The following PRKCD variants were observed in gnomAD, a reference collection of about 807,000 sequenced individuals.
PRKCD encodes protein kinase C delta type.
PRKCD carries 20 observed loss-of-function variants against 82.2 expected under a neutral mutation model. The observed-to-expected ratio is 0.24, with a 90% CI of 0.17 to 0.35. PRKCD has a LOEUF of 0.35. PRKCD is among the 10% of genes least tolerant of loss of function. The pLI, the probability that PRKCD is intolerant of heterozygous loss-of-function variation, is 1.00. For missense variants in PRKCD, 607 were observed against 899.0 expected, an observed-to-expected ratio of 0.68 and a Z score of 4.15; for synonymous variants, 317 against 337.0, an observed-to-expected ratio of 0.94 and a Z score of 0.65.
chr3:53,185,480 G>C, intron 10 of PRKCD, 124 bp from the exon 11 acceptor site: 3 of 786,070 alleles, frequency 3.8e-6, no homozygotes, highest in Non-Finnish European at 6.3e-6. Flanking sequence ...AGGGGGCCTG[G>C]GCTGTGCCCC....
At chr3:53,163,888 T>C (rs1303859017) in intron 1 of PRKCD, among the ~76,000 whole-genome samples, 1 of 152,190 alleles carries the variant, frequency 6.6e-6, no homozygotes, top group South Asian at 2.1e-4. Flanking sequence ...CAGACCTTAG[T>C]GTCAGTAGTA....
At chr3:53,172,354 A>G (rs1358615885) in intron 2 of PRKCD, among the ~76,000 whole-genome samples, 1 of 152,000 alleles carries the variant, frequency 6.6e-6, no homozygotes, top group Non-Finnish European at 1.5e-5. Flanking sequence ...CCAACCTGGC[A>G]GCTCCACCAT....
Position 53,189,895 on chromosome 3 carries a change from A to G in PRKCD, c.1766A>G (p.Lys589Arg), listed in dbSNP as rs1270842088. ...CAGCTCTTTGAAAGGGAACCAACCA[A>G]GAGGCTGGGAGTGACCGGAAACATC... is the stretch of plus-strand genomic sequence containing the variant. The part of the protein sequence containing the change: ...LEKLFEREPT[K>R]RLGVTGNIKI... The change falls in exon 18 of 19, where the codon AAG becomes AGG. Residue 589 changes from lysine (K) to arginine (R), a missense_variant. Lys to Arg is a conservative substitution (Grantham distance 26). Around this residue, in one of 5 missense-constraint regions of PRKCD, gnomAD observed 251 missense variants for 423.9 expected, o/e 0.59. Coordinates refer to ENST00000330452, the MANE Select transcript of PRKCD (RefSeq NM_006254.4). 1.2e-6 allele frequency: 2 copies of G among 1,614,100 alleles called. No homozygotes were observed. The highest frequency in any genetic ancestry group is 1.7e-6 in the Non-Finnish European group (2 of 1,180,030).
At position 53,186,646 on chromosome 3, in the gene PRKCD, C is replaced by T. The variant is rs1553669209; in HGVS notation, c.1303C>T (p.Leu435=). 1 of 1,614,020 alleles carries T rather than the reference C, an allele frequency of 6.2e-7. No individual in the cohort carries two copies. Among genetic ancestry groups the T allele is most frequent in the Non-Finnish European group, 8.5e-7 (1 of 1,179,912 alleles). The change falls in exon 14 of 19, where the codon CTG becomes TTG. Residue 435 remains leucine (L), a synonymous_variant. Transcript: ENST00000330452. ...FVMEFLNGGD[L]MYHIQDKGRF... The stretch of plus-strand genomic sequence containing the variant: ...GATGGAGTTCCTCAACGGGGGGGAC[C>T]TGATGTACCACATCCAGGACAAAGG...
Position 53,185,676 on chromosome 3 carries a change from G to C in PRKCD, c.961G>C (p.Gly321Arg). The change falls in exon 11 of 19, where the codon GGA (glycine) becomes CGA (arginine). Residue 321 changes from glycine (G) to arginine (R), a missense_variant. By Grantham distance (125) the Gly-to-Arg change is moderately radical (BLOSUM62 -2). Around this residue, in one of 5 missense-constraint regions of PRKCD, gnomAD observed 85 missense variants for 76.1 expected, o/e 1.12. Coordinates refer to ENST00000330452, the MANE Select transcript of PRKCD (RefSeq NM_006254.4). The stretch of plus-strand genomic sequence containing the variant: ...ATATCAGGGTTTCGAGAAGAAGACC[G>C]GAGTTGCTGGGGAGGACATGCAAGG... The part of the protein sequence containing the change: ...GIYQGFEKKT[G>R]VAGEDMQDNS... 2 of 1,612,422 alleles carry C rather than the reference G, an allele frequency of 1.2e-6. No homozygotes were observed. Among genetic ancestry groups the C allele is most frequent in the Non-Finnish European group, 1.7e-6 (2 of 1,180,020 alleles).
intron 2 of PRKCD, among the ~76,000 whole-genome samples, chr3:53,170,937 CTG>C (rs3075732): frequency 0.014 from 2,040 of 148,504 alleles, 52 homozygotes; most frequent in South Asian, 0.12. Context: ...ATGTGTGTTT[CTG>C]TGTGTGTGTG....
chr3:53,192,263 T>C lies in PRKCD; in HGVS notation c.2028T>C (p.Asp676=), dbSNP rs782403404. The change falls in exon 19 of 19, where the codon GAT becomes GAC. Residue 676 remains aspartate, a synonymous_variant. Transcript: ENST00000330452. ...CCAAATTCGAGCACCTCCTGGAAGA[T>C]TGAGGTTCCTGGACAGATCAGGCTA... ...VNPKFEHLLE[D] The C allele has an allele frequency of 1.4e-5, 22 of 1,614,006 alleles. No homozygotes were observed. Among genetic ancestry groups the C allele is most frequent in the Non-Finnish European group, 1.6e-5 (19 of 1,179,976 alleles).
intron 2 of PRKCD, among the ~76,000 whole-genome samples, chr3:53,167,295 C>T (rs782443364): frequency 1.3e-5 from 2 of 152,200 alleles, no homozygotes; most frequent in Non-Finnish European, 2.9e-5. Flanking sequence ...TTTTCACTGC[C>T]AGGGCTGCCC....
At position 53,186,320 on chromosome 3, in the gene PRKCD, A is replaced by T; in HGVS notation, c.1240A>T (p.Ile414Phe). ...AAENPFLTHL[I>F]CTFQTKDHLF... ...AGAGAATCCCTTTCTCACCCACCTCATCTGCACCTTCCAGACCAAGGTGCC... is the reference window on the plus strand; with the variant it reads ...AGAGAATCCCTTTCTCACCCACCTCTTCTGCACCTTCCAGACCAAGGTGCC... The change falls in exon 13 of 19, where the codon ATC becomes TTC. Residue 414 changes from isoleucine to phenylalanine, a missense_variant. Around this residue, in one of 5 missense-constraint regions of PRKCD, gnomAD observed 251 missense variants for 423.9 expected, o/e 0.59. Coordinates refer to ENST00000330452, the MANE Select transcript of PRKCD (RefSeq NM_006254.4). The T allele has an allele frequency of 1.2e-6, 2 of 1,614,070 alleles. No individual in the cohort carries two copies. Among genetic ancestry groups the T allele is most frequent in the Non-Finnish European group, 8.5e-7 (1 of 1,180,010 alleles).
At chr3:53,176,859 C>T (rs1227239442) in intron 2 of PRKCD, among the ~76,000 whole-genome samples, 1 of 152,308 alleles carries the variant, frequency 6.6e-6, no homozygotes, top group South Asian at 2.1e-4. Flanking sequence ...GGCAGAGTCT[C>T]GCTCTGTTGC....
At chr3:53,170,735 T>C (rs1702993831) in intron 2 of PRKCD, among the ~76,000 whole-genome samples, 1 of 152,228 alleles carries the variant, frequency 6.6e-6, no homozygotes, top group Non-Finnish European at 1.5e-5. Context: ...TTGGACTTCA[T>C]GGTGCCAGAC....
intron 9 of PRKCD, among the ~76,000 whole-genome samples, chr3:53,183,830 G>C (rs1249839634): frequency 1.3e-5 from 2 of 152,218 alleles, no homozygotes; most frequent in African/African-American, 4.8e-5. Flanking sequence ...GCAGGACCTA[G>C]AGAGTCCCTG....
rs529176751 is a variant in PRKCD at position 53,185,627 on chromosome 3, A to C, written c.912A>C (p.Ser304=). 6.2e-7 allele frequency: 1 copy of C among 1,613,488 alleles called. No homozygotes were observed. Among genetic ancestry groups the C allele is most frequent in the South Asian group, 1.1e-5 (1 of 91,084 alleles). ...VTQRASRRSD[S]ASSEPVGIYQ... Reference sequence around the variant, plus strand: ...AGAGAGCCTCCCGGAGATCAGACTCAGCCTCCTCAGAGCCTGTTGGGATAT... The same window carrying C: ...AGAGAGCCTCCCGGAGATCAGACTCCGCCTCCTCAGAGCCTGTTGGGATAT... Residue 304 remains serine, a synonymous_variant, in exon 11 of 19, where the codon TCA becomes TCC. Coordinates refer to ENST00000330452, the MANE Select transcript of PRKCD (RefSeq NM_006254.4).
rs939211535 is a variant in PRKCD, at chr3:53,169,270, G to C, written c.-20+4055G>C. Reference sequence around the variant, plus strand: ...TGGTGAAGCCAGGGAGGCAGGTGGGGCCACAAGCCTGAAGTTCAGGAGGGT... The same window carrying C: ...TGGTGAAGCCAGGGAGGCAGGTGGGCCCACAAGCCTGAAGTTCAGGAGGGT... On this transcript the variant is annotated intron_variant, in intron 2 of 18. Transcript: ENST00000330452. The surrounding 1 kb of genome is among the most constrained non-coding windows in gnomAD (Gnocchi z 4.7). Among the ~76,000 whole-genome samples the C allele has an allele frequency of 6.6e-6, 1 of 152,092 alleles. No homozygotes were observed. Among genetic ancestry groups the C allele is most frequent in the South Asian group, 2.1e-4 (1 of 4,830 alleles).
chr3:53,192,538 CATAT>C lies in PRKCD; in HGVS notation c.*284_*287del, dbSNP rs10600423. ...TGAAAATATATATTATATACATAGA[CATAT>C]ATATATATATAATAGGCTGTATATA... On this transcript the variant is annotated 3_prime_UTR_variant, in exon 19 of 19. Transcript: ENST00000330452. 8.5e-5 allele frequency: 15 copies of C among 176,586 alleles called. No individual in the cohort carries two copies. The highest frequency in any genetic ancestry group is 1.2e-4 in the African/African-American group (5 of 40,866). 10.9% of individuals were successfully genotyped at this position (176,586 alleles called of 1,614,324 possible).
At chr3:53,163,365 A>T (rs1187204470) in intron 1 of PRKCD, among the ~76,000 whole-genome samples, 7 of 142,824 alleles carry the variant, frequency 4.9e-5, no homozygotes, top group Non-Finnish European at 9.2e-5. Context: ...GGAAGGTGAG[A>T]GCCCAGTGTG....
chr3:53,164,248 A>G (rs1702762679), intron 1 of PRKCD, among the ~76,000 whole-genome samples: 1 of 152,198 alleles, frequency 6.6e-6, no homozygotes, highest in African/African-American at 2.4e-5. Flanking sequence ...CACAATAGTA[A>G]TGTGAGAATC....
chr3:53,167,102 C>T (rs1462353365), intron 2 of PRKCD, among the ~76,000 whole-genome samples: 2 of 152,214 alleles, frequency 1.3e-5, no homozygotes, highest in Non-Finnish European at 2.9e-5. Flanking sequence ...AAGCCTGGGC[C>T]TAGGAGAGAG....
chr3:53,179,377 G>A lies in PRKCD; in HGVS notation c.116-200G>A. 6 of 735,604 alleles carry A rather than the reference G, an allele frequency of 8.2e-6. No individual in the cohort carries two copies. In the Admixed American group the frequency reaches 9.2e-5, roughly 11 times the overall value. 45.6% of individuals were successfully genotyped at this position (735,604 alleles called of 1,614,324 possible). A position where few individuals can be genotyped will look rare whatever the true frequency, so the allele number is the denominator to read the frequency against. On this transcript the variant is annotated intron_variant, in intron 3 of 18. Transcript: ENST00000330452. Reference sequence around the variant, plus strand: ...GGAGCAAGAGGATCAGAGGAAGAGGGAACAGCAGGAACAAAGGCCTGGAGG... The same window carrying A: ...GGAGCAAGAGGATCAGAGGAAGAGGAAACAGCAGGAACAAAGGCCTGGAGG...
Sources: gnomAD v4.1 joint callset for allele counts (sites outside exome capture counted in the v4.1 genomes callset) on GRCh38, gnomAD v4.1.1 for gene constraint, gnomAD v4.1.1 regional missense constraint, Gnocchi (gnomAD v3.1) non-coding constraint, MANE v1.5 for transcripts, NCBI Gene and HGNC (gene_info 2026-07-23, HGNC 2026-07-21) for gene names.